The following PHF21A variants were observed in gnomAD, a reference collection of about 807,000 sequenced individuals.
PHF21A encodes the protein BHC80a.
PHF21A carries 11 observed loss-of-function variants against 82.5 expected under a neutral mutation model. The observed-to-expected ratio is 0.13, with a 90% confidence interval of 0.08 to 0.22. PHF21A has a LOEUF of 0.22. Ranked by LOEUF, PHF21A falls within the 10% of genes least tolerant of loss-of-function variation. The pLI, the probability that PHF21A is intolerant of heterozygous loss-of-function variation, is 1.00. For synonymous variants in PHF21A, 297 were observed against 302.8 expected (o/e 0.98, Z 0.20); for missense variants, 579 against 837.8 (o/e 0.69, Z 3.81).
chr11:45,950,181 C>T, intron 12 of PHF21A, 25 bp downstream of exon 12: 1 of 1,555,330 alleles, frequency 6.4e-7, no homozygotes, highest in Admixed American at 1.8e-5. Context: ...GAAAAAAAGG[C>T]AGTGCCAAGA....
At chr11:46,068,509 TG>T (rs2096620705) in intron 6 of PHF21A, among the ~76,000 whole-genome samples, 1 of 152,054 alleles carries the variant, frequency 6.6e-6, no homozygotes, top group African/African-American at 2.4e-5. Flanking sequence ...CTCCAAAGAG[TG>T]GAAGAGTCCC....
intron 2 of PHF21A, among the ~76,000 whole-genome samples, 190 bp downstream of exon 2, chr11:46,091,993 G>C (rs369839675): frequency 1.3e-5 from 2 of 151,604 alleles, no homozygotes; most frequent in East Asian, 3.9e-4. Flanking sequence ...TGTATTAGCA[G>C]AAACACAAAT....
chr11:46,076,249 G>A (rs544120597), intron 6 of PHF21A, among the ~76,000 whole-genome samples: 7 of 152,288 alleles, frequency 4.6e-5, no homozygotes, highest in South Asian at 4.1e-4. Context: ...ACATTTCACC[G>A]AAGTTTTTTC....
intron 1 of PHF21A, among the ~76,000 whole-genome samples, chr11:46,110,209 T>C (rs1326937515): frequency 1.3e-5 from 2 of 152,146 alleles, no homozygotes; most frequent in Non-Finnish European, 2.9e-5. Flanking sequence ...TTTAATATCA[T>C]AGTGAAGCAG....
At chr11:45,982,759 A>C (rs1303102450) in intron 6 of PHF21A, among the ~76,000 whole-genome samples, 1 of 152,208 alleles carries the variant, frequency 6.6e-6, no homozygotes, top group African/African-American at 2.4e-5. Flanking sequence ...AGGAACCCTA[A>C]GAGCTCTTAC....
intron 6 of PHF21A, among the ~76,000 whole-genome samples, chr11:46,073,188 C>T (rs1459483351): frequency 2.6e-5 from 4 of 151,816 alleles, no homozygotes; most frequent in East Asian, 1.9e-4. Flanking sequence ...ATTGGCCAGG[C>T]GTGGTGGCGG....
At chr11:46,064,676 C>T (rs187850848) in intron 6 of PHF21A, among the ~76,000 whole-genome samples, 1 of 152,134 alleles carries the variant, frequency 6.6e-6, no homozygotes, top group African/African-American at 2.4e-5. Flanking sequence ...TATGATTTGG[C>T]CTGTCATTTA....
chr11:45,950,242 C>A lies in PHF21A; in HGVS notation c.1111G>T (p.Val371Leu), dbSNP rs1325426946. ...TCATGTGTTACCAACCCTAGAGACA[C>A]CATGAAGGCAAGTTTCTGTGCCAGA... ...EENPQKLAFM[V>L]SLGLVTHDHL... is the part of the protein sequence containing the mutation. The change falls in exon 12 of 19, where the codon GTG becomes TTG. Residue 371 changes from valine (V) to leucine (L), a missense_variant. By Grantham distance (32) the Val-to-Leu change is conservative. Coordinates refer to ENST00000676320, the MANE Select transcript of PHF21A (RefSeq NM_001352027.3). 2 of 1,609,390 alleles carry A rather than the reference C, an allele frequency of 1.2e-6. No individual in the cohort carries two copies. The highest frequency in any genetic ancestry group is 2.2e-5 in the South Asian group (2 of 90,340).
intron 6 of PHF21A, among the ~76,000 whole-genome samples, chr11:46,075,672 G>C (rs531412619): frequency 6.6e-6 from 1 of 152,150 alleles, no homozygotes; most frequent in Non-Finnish European, 1.5e-5. Context: ...AAGAATAGGA[G>C]GGAAGAATAT....
chr11:46,098,270 T>C (rs981189433), intron 1 of PHF21A, among the ~76,000 whole-genome samples: 2 of 152,226 alleles, frequency 1.3e-5, no homozygotes, highest in Non-Finnish European at 1.5e-5. Context: ...ACACTGATTA[T>C]CTATTACTTG....
intron 6 of PHF21A, among the ~76,000 whole-genome samples, chr11:46,050,253 T>C (rs774161941): frequency 6.6e-6 from 1 of 152,260 alleles, no homozygotes; most frequent in Non-Finnish European, 1.5e-5. Flanking sequence ...AGACTAATGT[T>C]GCCAGCAGCA....
At chr11:46,075,446 T>C (rs1449664130) in intron 6 of PHF21A, among the ~76,000 whole-genome samples, 1 of 152,216 alleles carries the variant, frequency 6.6e-6, no homozygotes, top group Non-Finnish European at 1.5e-5. Flanking sequence ...GGCTCAGCGC[T>C]AACAGAATTC....
At chr11:46,006,181 C>G (rs1273938732) in intron 6 of PHF21A, among the ~76,000 whole-genome samples, 1 of 152,046 alleles carries the variant, frequency 6.6e-6, no homozygotes, top group Non-Finnish European at 1.5e-5. Context: ...AAATAAGAGC[C>G]AAATGATTTT....
intron 6 of PHF21A, among the ~76,000 whole-genome samples, chr11:46,071,201 A>G (rs959912416): frequency 1.3e-5 from 2 of 152,204 alleles, no homozygotes; most frequent in Non-Finnish European, 2.9e-5. Flanking sequence ...GAGTCTTAAA[A>G]TTATTTTAGT....
intron 6 of PHF21A, among the ~76,000 whole-genome samples, chr11:46,019,060 C>T (rs1409387517): frequency 1.3e-5 from 2 of 151,644 alleles, no homozygotes; most frequent in Non-Finnish European, 2.9e-5. Context: ...ATAAGCCTTT[C>T]TCATTCTGGA....
At chr11:46,109,839 G>A (rs1369668638) in intron 1 of PHF21A, among the ~76,000 whole-genome samples, 2 of 152,050 alleles carry the variant, frequency 1.3e-5, no homozygotes, top group Non-Finnish European at 2.9e-5. Context: ...AATTAGCCGG[G>A]TGTGGTGGCA....
chr11:46,003,612 T>C (rs2095215247), intron 6 of PHF21A, among the ~76,000 whole-genome samples: 1 of 152,140 alleles, frequency 6.6e-6, no homozygotes, highest in Non-Finnish European at 1.5e-5. Context: ...CTCACTAGGA[T>C]GATGACTAGT....
chr11:46,084,243 G>A lies in PHF21A; in HGVS notation c.-24C>T, dbSNP rs771556381. ...ATCCTCTACCTTCTCCACTTTCTCT[G>A]CTAATTCTATAGTTTCTTCAGCCTC... On this transcript the variant is annotated 5_prime_UTR_variant, in exon 4 of 19. Coordinates refer to ENST00000676320, the MANE Select transcript of PHF21A (RefSeq NM_001352027.3). The A allele has an allele frequency of 6.3e-7, 1 of 1,579,440 alleles. No homozygotes were observed. The highest frequency in any genetic ancestry group is 8.6e-7 in the Non-Finnish European group (1 of 1,162,618).
rs2089550118 is a variant in PHF21A at position 45,938,210 on chromosome 11, G to A, written c.1555C>T (p.Pro519Ser). 6.2e-7 allele frequency: 1 copy of A among 1,606,268 alleles called. No individual in the cohort carries two copies. The highest frequency in any genetic ancestry group is 1.1e-5 in the South Asian group (1 of 88,932). Reference sequence around the variant, plus strand: ...ATGCCCTTGGGAATTGTTTTCAGAGGGGGGTCTAAGCAGTCCAAATGATAT... The same window carrying A: ...ATGCCCTTGGGAATTGTTTTCAGAGAGGGGTCTAAGCAGTCCAAATGATAT... ...RVYHLDCLDP[P>S]LKTIPKGMWI... The change falls in exon 16 of 19, where the codon CCT (proline) becomes TCT (serine). Residue 519 changes from proline (P) to serine (S), a missense_variant. By Grantham distance (74) the Pro-to-Ser change is moderately conservative (BLOSUM62 -1). Coordinates refer to ENST00000676320, the MANE Select transcript of PHF21A (RefSeq NM_001352027.3).
Sources: allele counts gnomAD v4.1 joint callset (sites outside exome capture counted in the v4.1 genomes callset), GRCh38; gene constraint gnomAD v4.1.1; transcripts MANE v1.5; gene names NCBI Gene and HGNC (gene_info 2026-07-23, HGNC 2026-07-21).